Variants in LGSN observed in about 807,000 individuals in gnomAD.
The protein encoded by LGSN is lengsin, lens protein with glutamine synthetase domain, also known as lengsin.
Under a neutral mutation model 19.5 loss-of-function variants are expected in LGSN, and 21 were observed. The ratio of observed to expected loss-of-function variants is 1.07; its 90% CI spans 0.76 to 1.55. The LOEUF (loss-of-function observed/expected upper bound fraction) is 1.55. Ranked by LOEUF, LGSN falls within the 40% of genes most tolerant of loss-of-function variation. The pLI, the probability that LGSN is intolerant of heterozygous loss-of-function variation, is 0.00. For synonymous variants in LGSN, 257 were observed against 215.6 expected (o/e 1.19, Z -1.68); for missense variants, 673 against 608.5 (o/e 1.11, Z -1.12).
the LGSN span, among the ~76,000 whole-genome samples, chr6:63,487,719 G>A: frequency 1.3e-5 from 2 of 152,256 alleles, no homozygotes; most frequent in South Asian, 2.1e-4. Flanking sequence ...GGTTGCTCAC[G>A]CCTGTAATCC....
the LGSN span, among the ~76,000 whole-genome samples, chr6:63,398,971 G>A: frequency 6.6e-6 from 1 of 152,120 alleles, no homozygotes; most frequent in African/African-American, 2.4e-5. Flanking sequence ...CACATGGCTA[G>A]TTTTCAAAAA....
the LGSN span, among the ~76,000 whole-genome samples, chr6:63,340,066 T>C: frequency 6.6e-6 from 1 of 152,168 alleles, no homozygotes; most frequent in Non-Finnish European, 1.5e-5. Flanking sequence ...GGGTGTTTTT[T>C]TTTCTTTCAG....
chr6:63,547,487 G>A, the LGSN span, among the ~76,000 whole-genome samples: 1 of 148,316 alleles, frequency 6.7e-6, no homozygotes, highest in Admixed American at 6.7e-5. Flanking sequence ...ACCTCGCCCG[G>A]CCAGGGGGGA....
the LGSN span, among the ~76,000 whole-genome samples, chr6:63,467,058 G>A: frequency 1.3e-5 from 2 of 152,056 alleles, no homozygotes; most frequent in East Asian, 1.9e-4. Context: ...AATTCAGGTC[G>A]GAGGACTGAG....
At chr6:63,310,022 T>C (rs1768559653) in intron 1 of LGSN, among the ~76,000 whole-genome samples, 1 of 152,242 alleles carries the variant, frequency 6.6e-6, no homozygotes, top group African/African-American at 2.4e-5. Context: ...TCTCTAAGGC[T>C]CTGCATAATC....
the LGSN span, chr6:63,395,857 T>A: frequency 3.9e-5 from 6 of 154,196 alleles, no homozygotes; most frequent in African/African-American, 1.4e-4. Flanking sequence ...ACTGGGGCTT[T>A]CCTGGGCTCT....
the LGSN span, among the ~76,000 whole-genome samples, chr6:63,469,998 G>A: frequency 6.6e-6 from 1 of 152,172 alleles, no homozygotes; most frequent in Non-Finnish European, 1.5e-5. Context: ...TTACAGGCGT[G>A]AGCCACTGCG....
chr6:63,511,885 T>C, the LGSN span, among the ~76,000 whole-genome samples: 1 of 152,158 alleles, frequency 6.6e-6, no homozygotes, highest in Non-Finnish European at 1.5e-5. Flanking sequence ...ATCCACATAC[T>C]ATTTATGATG....
the LGSN span, chr6:63,571,259 A>G: frequency 6.6e-6 from 1 of 152,194 alleles, no homozygotes; most frequent in Non-Finnish European, 1.5e-5. Flanking sequence ...ATAAATCCTA[A>G]GATGTTGCAG....
the LGSN span, among the ~76,000 whole-genome samples, chr6:63,505,015 C>G: frequency 6.6e-6 from 1 of 151,174 alleles, no homozygotes; most frequent in South Asian, 2.1e-4. Flanking sequence ...AGTAGATTAG[C>G]TATGCTTCAT....
chr6:63,405,281 T>C, the LGSN span, among the ~76,000 whole-genome samples: 1 of 152,112 alleles, frequency 6.6e-6, no homozygotes, highest in Non-Finnish European at 1.5e-5. Context: ...TGCATGTGTC[T>C]TTATAGCAGC....
chr6:63,298,335 C>T (rs1301286826), intron 1 of LGSN, among the ~76,000 whole-genome samples: 1 of 152,106 alleles, frequency 6.6e-6, no homozygotes, highest in African/African-American at 2.4e-5. Flanking sequence ...TAACTGGGTA[C>T]AGAAGTCATG....
chr6:63,559,845 T>G, the LGSN span, among the ~76,000 whole-genome samples: 1 of 152,134 alleles, frequency 6.6e-6, no homozygotes, highest in Non-Finnish European at 1.5e-5. Flanking sequence ...CAGGCTGGTT[T>G]CGAACTCCTG....
intron 1 of LGSN, among the ~76,000 whole-genome samples, chr6:63,315,627 T>C (rs1190751456): frequency 6.7e-6 from 1 of 149,916 alleles, no homozygotes; most frequent in Non-Finnish European, 1.5e-5. Flanking sequence ...TCTGTGTGTG[T>C]GTGTGTGTGT....
chr6:63,571,860 T>A, the LGSN span: 1 of 152,242 alleles, frequency 6.6e-6, no homozygotes, highest in Non-Finnish European at 1.5e-5. Context: ...TCTCCCCGCT[T>A]GAAAGCGCCC....
the LGSN span, among the ~76,000 whole-genome samples, chr6:63,346,018 A>G: frequency 6.6e-6 from 1 of 152,196 alleles, no homozygotes; most frequent in South Asian, 2.1e-4. Context: ...AATTTAAAGT[A>G]TACTTTTGTG....
intron 3 of LGSN, 81 bp downstream of exon 3, chr6:63,285,506 G>T: frequency 8.9e-7 from 1 of 1,121,482 alleles, no homozygotes; most frequent in Non-Finnish European, 1.3e-6. Flanking sequence ...AAGATTACAA[G>T]AAAATAAGAA....
At chr6:63,516,094 T>C in the LGSN span, among the ~76,000 whole-genome samples, 2 of 152,212 alleles carry the variant, frequency 1.3e-5, no homozygotes, top group African/African-American at 2.4e-5. Flanking sequence ...TATTACCTTG[T>C]TGAAAATCTA....
intron 3 of LGSN, among the ~76,000 whole-genome samples, chr6:63,282,426 G>A (rs1386170807): frequency 3.9e-5 from 6 of 152,038 alleles, no homozygotes; most frequent in South Asian, 2.1e-4. Context: ...TGAGAAGTGC[G>A]AGATAAAGGC....
Sources: allele counts gnomAD v4.1 joint callset (sites outside exome capture counted in the v4.1 genomes callset), GRCh38; gene constraint gnomAD v4.1.1; transcripts MANE v1.5; gene names NCBI Gene and HGNC (gene_info 2026-07-23, HGNC 2026-07-21).